The following UPF2 variants were observed in gnomAD, a reference collection of about 807,000 sequenced individuals.
UPF2 encodes the protein UPF2 regulator of nonsense mediated mRNA decay, also known as regulator of nonsense transcripts 2.
In UPF2, 17 loss-of-function variants were observed where a neutral mutation model predicts 141.4. The observed-to-expected ratio is 0.12, with a 90% CI of 0.08 to 0.18. The LOEUF is 0.18. Among genes scored for constraint, UPF2 ranks in the 10% least tolerant of loss-of-function variants. The pLI, the probability that UPF2 is intolerant of heterozygous loss-of-function variation, is 1.00. For missense variants in UPF2, 1,152 were observed against 1,515.9 expected (o/e 0.76, Z 3.99); for synonymous variants, 540 against 498.0 (o/e 1.08, Z -1.12).
chr10:11,997,530 T>G, intron 8 of UPF2, 142 bp downstream of exon 8: 1 of 594,852 alleles, frequency 1.7e-6, no homozygotes, highest in Non-Finnish European at 2.7e-6. Context: ...GGAAACAAGT[T>G]CTAAAAAATA....
chr10:11,986,090 T>C (rs1383263440), intron 8 of UPF2, among the ~76,000 whole-genome samples: 1 of 151,716 alleles, frequency 6.6e-6, no homozygotes. Context: ...TTCACCGTGA[T>C]AGCCAGGATG....
At chr10:12,013,941 C>G in intron 4 of UPF2, 83 bp downstream of exon 4, 1 of 1,310,750 alleles carries the variant, frequency 7.6e-7, no homozygotes. Flanking sequence ...CTTAAATTCT[C>G]AATACTGCAC....
intron 18 of UPF2, among the ~76,000 whole-genome samples, chr10:11,941,522 T>A (rs1404236756): frequency 1.3e-5 from 2 of 152,162 alleles, no homozygotes; most frequent in Non-Finnish European, 2.9e-5. Context: ...TCTAAAGGAC[T>A]GCTCCATGAG....
intron 8 of UPF2, among the ~76,000 whole-genome samples, chr10:11,994,975 CAAAAAAAAAAAAAAAAA>C (rs60922532): frequency 7.8e-5 from 4 of 51,362 alleles, no homozygotes; most frequent in Non-Finnish European, 1.2e-4. Flanking sequence ...GACTCCATCT[CAAAAAAAAAAAAAAAAA>C]AAAAAAAAAA....
intron 5 of UPF2, 73 bp from the exon 6 acceptor site, chr10:12,001,898 A>G: frequency 2.2e-6 from 3 of 1,383,960 alleles, no homozygotes; most frequent in Non-Finnish European, 1.9e-6. Flanking sequence ...GTAGATTAAG[A>G]CTCACAAAAT....
At chr10:12,020,101 A>C (rs1300299666) in intron 3 of UPF2, among the ~76,000 whole-genome samples, 3 of 152,134 alleles carry the variant, frequency 2.0e-5, no homozygotes, top group African/African-American at 7.2e-5. Context: ...CAAGCATTAT[A>C]CATCATAAAT....
intron 19 of UPF2, among the ~76,000 whole-genome samples, chr10:11,932,260 T>TTC (rs1461127131): frequency 2.6e-5 from 4 of 152,200 alleles, no homozygotes; most frequent in African/African-American, 9.6e-5. Flanking sequence ...GTGGCCATTT[T>TTC]TCCCCCTTTT....
intron 16 of UPF2, among the ~76,000 whole-genome samples, chr10:11,946,690 C>T (rs943576160): frequency 1.3e-5 from 2 of 152,136 alleles, no homozygotes; most frequent in Admixed American, 1.3e-4. Context: ...AACCCATTCC[C>T]CAATCTACCT....
chr10:11,925,845 T>C (rs1832706257), intron 21 of UPF2, among the ~76,000 whole-genome samples: 1 of 152,224 alleles, frequency 6.6e-6, no homozygotes. Context: ...TATGTCCACC[T>C]GCACCACAGG....
At chr10:12,007,272 A>G (rs1834049700) in intron 4 of UPF2, among the ~76,000 whole-genome samples, 1 of 152,228 alleles carries the variant, frequency 6.6e-6, no homozygotes, top group African/African-American at 2.4e-5. Context: ...TCTGGAAAAA[A>G]GTAAAGTCTG....
chr10:11,961,089 CAAAA>C (rs59208108), intron 11 of UPF2, among the ~76,000 whole-genome samples: 1 of 86,246 alleles, frequency 1.2e-5, no homozygotes. Flanking sequence ...GACCCTGTCT[CAAAA>C]AAAAAAAAAA....
rs1448627345 is a variant in UPF2 at position 12,019,540 on chromosome 10, A to G, written c.1146-5356T>C. 2.0e-5 allele frequency among the ~76,000 whole-genome samples: 3 copies of G among 152,244 alleles called. No homozygotes were observed. Among genetic ancestry groups the G allele is most frequent in the Admixed American group, 2.0e-4 (3 of 15,282 alleles). Reference sequence around the variant, plus strand: ...ATTCTCTCCTGCAATATCATTGCACACTAGAGAGGTACTTGTCCCCTTTTA... The same window carrying G: ...ATTCTCTCCTGCAATATCATTGCACGCTAGAGAGGTACTTGTCCCCTTTTA... On this transcript the variant is annotated intron_variant, in intron 3 of 21. Transcript: ENST00000357604. This position sits in a 1 kb window ranked among gnomAD's most constrained non-coding sequence, Gnocchi z 4.5.
At chr10:11,963,472 G>A (rs1484961475) in intron 11 of UPF2, among the ~76,000 whole-genome samples, 1 of 152,156 alleles carries the variant, frequency 6.6e-6, no homozygotes, top group African/African-American at 2.4e-5. Context: ...GAGTAGTTGG[G>A]ACTACAGGAA....
intron 3 of UPF2, among the ~76,000 whole-genome samples, chr10:12,027,953 C>A (rs532767779): frequency 1.2e-4 from 18 of 152,308 alleles, no homozygotes; most frequent in African/African-American, 4.3e-4. Context: ...TACTCAGCCA[C>A]GTGCTATGGC....
In UPF2 at chr10:11,931,436, T is replaced by C. The variant is rs1314793267; in HGVS notation, c.3688+205A>G. Among the ~76,000 whole-genome samples, 2 of 152,242 alleles carry C rather than the reference T, an allele frequency of 1.3e-5. No individual in the cohort carries two copies. The highest frequency in any genetic ancestry group is 2.9e-5 in the Non-Finnish European group (2 of 68,046). On this transcript the variant is annotated intron_variant, in intron 20 of 21. Coordinates refer to ENST00000357604, the MANE Select transcript of UPF2 (RefSeq NM_015542.4). The surrounding 1 kb of genome is among the most constrained non-coding windows in gnomAD (Gnocchi z 5.9). The stretch of plus-strand genomic sequence containing the variant: ...TGCTTGCAAACGTAGCTTAGCAGTT[T>C]ATACTCTAATTTAATTAGAGCAAAA...
At chr10:12,004,067 A>G (rs1833995824) in intron 5 of UPF2, among the ~76,000 whole-genome samples, 2 of 152,158 alleles carry the variant, frequency 1.3e-5, no homozygotes, top group Non-Finnish European at 2.9e-5. Flanking sequence ...AACCTGAGAA[A>G]CACAATGTAA....
intron 15 of UPF2, among the ~76,000 whole-genome samples, chr10:11,951,356 C>A (rs1032851091): frequency 3.9e-5 from 6 of 152,168 alleles, no homozygotes; most frequent in Non-Finnish European, 8.8e-5. Context: ...AACCACCACA[C>A]CTGGCCAAAA....
chr10:12,029,062 C>T lies in UPF2; in HGVS notation c.828G>A (p.Gly276=), dbSNP rs140669342. Residue 276 remains glycine (G), a synonymous_variant, in exon 3 of 22, where the codon GGG becomes GGA. Transcript: ENST00000357604. The part of the protein sequence containing the change: ...LRFIAELTIV[G]IFTDKEGLSL... ...AAAGACCTTCCTTGTCAGTGAAAAT[C>T]CCAACTATTGTCAATTCTGCAATAA... The T allele has an allele frequency of 1.6e-5, 26 of 1,614,052 alleles. No homozygotes were observed. Among genetic ancestry groups the T allele is most frequent in the South Asian group, 6.6e-5 (6 of 91,084 alleles).
chr10:11,966,385 G>A (rs1435605982), intron 10 of UPF2, among the ~76,000 whole-genome samples: 2 of 152,080 alleles, frequency 1.3e-5, no homozygotes, highest in African/African-American at 4.8e-5. Flanking sequence ...ATCTTTTCCT[G>A]TTAAAATAAC....
Sources: gnomAD v4.1 joint callset for allele counts (sites outside exome capture counted in the v4.1 genomes callset) on GRCh38, gnomAD v4.1.1 for gene constraint, Gnocchi (gnomAD v3.1) non-coding constraint, MANE v1.5 for transcripts, NCBI Gene and HGNC (gene_info 2026-07-23, HGNC 2026-07-21) for gene names.